NELL1: variants seen among roughly 807,000 people sequenced by gnomAD.
NELL1 encodes protein kinase C-binding protein NELL1.
In NELL1, 76 loss-of-function variants were observed where a neutral mutation model predicts 107.4. The observed-to-expected ratio is 0.71, with a 90% CI of 0.59 to 0.86. The LOEUF is 0.86. Ranked by LOEUF, NELL1 falls within the 40% of genes least tolerant of loss-of-function variation. NELL1 has a pLI of 0.00. For synonymous variants in NELL1, 353 were observed against 341.2 expected (o/e 1.03, Z -0.38); for missense variants, 1,024 against 1,005.5 (o/e 1.02, Z -0.25).
chr11:21,515,406 TTAAC>T (rs1855532707), intron 15 of NELL1, among the ~76,000 whole-genome samples: 1 of 152,132 alleles, frequency 6.6e-6, no homozygotes, highest in South Asian at 2.1e-4. Flanking sequence ...TGCAACATGT[TTAAC>T]TAATTCTCTG....
chr11:21,574,003 G>A (rs985101963), intron 19 of NELL1, among the ~76,000 whole-genome samples: 1 of 151,768 alleles, frequency 6.6e-6, no homozygotes. Context: ...GTTTTCATGA[G>A]ACATCCTCAT....
chr11:20,819,417 T>C (rs1054039719), intron 3 of NELL1, among the ~76,000 whole-genome samples: 3 of 152,148 alleles, frequency 2.0e-5, no homozygotes, highest in African/African-American at 7.2e-5. Flanking sequence ...AAACATCTCC[T>C]GAAAAAGGCC....
intron 2 of NELL1, among the ~76,000 whole-genome samples, chr11:20,729,545 T>A (rs909280354): frequency 1.3e-5 from 2 of 152,240 alleles, no homozygotes; most frequent in Non-Finnish European, 2.9e-5. Flanking sequence ...GAAAGCTTTT[T>A]CTGTATATAT....
At chr11:21,312,400 A>C (rs4362140) in intron 14 of NELL1, among the ~76,000 whole-genome samples, 136,323 of 151,768 alleles carry the variant, frequency 0.9, 61,404 homozygotes, top group Middle Eastern at 0.92. Flanking sequence ...CTTTGTCCAA[A>C]TTTAAGTTAA....
chr11:20,702,464 A>G (rs1001100065), intron 2 of NELL1, among the ~76,000 whole-genome samples: 23 of 152,116 alleles, frequency 1.5e-4, no homozygotes, highest in African/African-American at 4.8e-4. Context: ...AACAGGGACA[A>G]TTTGACTTCC....
chr11:20,719,353 T>A (rs1252683092), intron 2 of NELL1, among the ~76,000 whole-genome samples: 1 of 152,164 alleles, frequency 6.6e-6, no homozygotes, highest in Non-Finnish European at 1.5e-5. Context: ...AAAAGCAAAT[T>A]ATCTGCTTCT....
intron 15 of NELL1, among the ~76,000 whole-genome samples, chr11:21,467,132 C>T (rs1442427216): frequency 4.6e-5 from 7 of 151,912 alleles, no homozygotes; most frequent in Non-Finnish European, 4.4e-5. Flanking sequence ...AGAGAGAGAA[C>T]AAAAAGGTTA....
At chr11:21,347,969 G>C (rs1044667153) in intron 14 of NELL1, among the ~76,000 whole-genome samples, 2 of 152,152 alleles carry the variant, frequency 1.3e-5, no homozygotes, top group African/African-American at 4.8e-5. Flanking sequence ...GCTGGAAAGA[G>C]AATGGAGGAT....
chr11:21,527,707 G>C (rs1353381915), intron 15 of NELL1, among the ~76,000 whole-genome samples: 1 of 152,180 alleles, frequency 6.6e-6, no homozygotes, highest in East Asian at 1.9e-4. Flanking sequence ...TTCAGCCTAT[G>C]GCTGAAACCC....
chr11:20,715,197 A>C (rs529239750), intron 2 of NELL1, among the ~76,000 whole-genome samples: 2 of 152,178 alleles, frequency 1.3e-5, no homozygotes, highest in South Asian at 4.1e-4. Flanking sequence ...GTGAGTTGAC[A>C]TCGCGCCATT....
Position 21,056,979 on chromosome 11 carries a change from C to CAA in NELL1, c.1301-56603_1301-56602dup, listed in dbSNP as rs5790156. Among the ~76,000 whole-genome samples, 13 of 150,380 alleles carry CAA rather than the reference C, an allele frequency of 8.6e-5. 1 individual carries two copies. The highest frequency in any genetic ancestry group is 4.2e-4 in the South Asian group (2 of 4,758). On this transcript the variant is annotated intron_variant, in intron 12 of 19. Coordinates refer to ENST00000357134, the MANE Select transcript of NELL1 (RefSeq NM_006157.5). ...TGTAAAAATATTTGGGTAGCAAAAA[C>CAA]AAAAAAAATGAAGAAATTTCTAGGA...
chr11:20,945,774 CT>C (rs1402941806), intron 10 of NELL1, among the ~76,000 whole-genome samples: 21 of 152,092 alleles, frequency 1.4e-4, no homozygotes, highest in Admixed American at 1.4e-3. Context: ...AGGACTGGAG[CT>C]AATTTTTGAG....
intron 15 of NELL1, among the ~76,000 whole-genome samples, chr11:21,503,449 T>C (rs777475163): frequency 6.6e-6 from 1 of 152,172 alleles, no homozygotes; most frequent in Non-Finnish European, 1.5e-5. Flanking sequence ...CCAAGAATTC[T>C]GGGTTTGAGT....
At chr11:21,321,169 T>C (rs758422821) in intron 14 of NELL1, among the ~76,000 whole-genome samples, 17 of 152,236 alleles carry the variant, frequency 1.1e-4, no homozygotes, top group Non-Finnish European at 1.9e-4. Flanking sequence ...CCTTTGGTGC[T>C]GTACATGAGC....
At chr11:20,843,398 G>A (rs902648676) in intron 3 of NELL1, among the ~76,000 whole-genome samples, 18 of 151,944 alleles carry the variant, frequency 1.2e-4, no homozygotes, top group African/African-American at 4.4e-4. Context: ...AGAATAACTG[G>A]AAAAGAGACC....
intron 3 of NELL1, among the ~76,000 whole-genome samples, chr11:20,797,415 A>T (rs112365775): frequency 0.02 from 2,972 of 151,960 alleles, 99 homozygotes; most frequent in African/African-American, 0.068. Flanking sequence ...ATACAAAAAA[A>T]ATTAGGTGGG....
At chr11:20,873,900 G>A (rs1286731873) in intron 4 of NELL1, among the ~76,000 whole-genome samples, 1 of 151,826 alleles carries the variant, frequency 6.6e-6, no homozygotes, top group Non-Finnish European at 1.5e-5. Context: ...AGTAGCTTGG[G>A]CTACAGGCAC....
intron 15 of NELL1, among the ~76,000 whole-genome samples, chr11:21,499,294 C>G (rs925330917): frequency 2.0e-5 from 3 of 151,956 alleles, no homozygotes; most frequent in Non-Finnish European, 4.4e-5. Context: ...GTCAGAGGAG[C>G]TATTTGTTCA....
chr11:20,748,891 T>TCCATCCACCCAGCCAC (rs1564891761), intron 2 of NELL1, among the ~76,000 whole-genome samples: 6 of 145,530 alleles, frequency 4.1e-5, no homozygotes, highest in Non-Finnish European at 7.6e-5. Context: ...CATCCATCCA[T>TCCATCCACCCAGCCAC]CCATCCATCC....
Sources: allele counts gnomAD v4.1 joint callset (sites outside exome capture counted in the v4.1 genomes callset), GRCh38; gene constraint gnomAD v4.1.1; transcripts MANE v1.5; gene names NCBI Gene and HGNC (gene_info 2026-07-23, HGNC 2026-07-21).